Variants in THSD7B observed in about 807,000 individuals in gnomAD.
THSD7B encodes the protein thrombospondin type 1 domain containing 7B, also known as thrombospondin type-1 domain-containing protein 7B.
A neutral mutation model predicts 213.6 loss-of-function variants in THSD7B; 138 were observed. That is an observed-to-expected ratio of 0.65 (90% CI 0.56 to 0.74). THSD7B has a LOEUF of 0.74. THSD7B is among the 30% of genes least tolerant of loss of function. The pLI, the probability that THSD7B is intolerant of heterozygous loss-of-function variation, is 0.00. For missense variants in THSD7B, 1,931 were observed against 1,991.5 expected, an observed-to-expected ratio of 0.97 and a Z score of 0.58; for synonymous variants, 742 against 687.0, an observed-to-expected ratio of 1.08 and a Z score of -1.25.
intron 5 of THSD7B, among the ~76,000 whole-genome samples, chr2:137,117,388 T>C (rs924403543): frequency 7.9e-5 from 12 of 152,192 alleles, no homozygotes; most frequent in African/African-American, 2.9e-4. Context: ...AATATAAATA[T>C]TTTTTATCTG....
At chr2:137,618,532 A>C in intron 19 of THSD7B, 25 bp downstream of exon 19, 1,440 of 1,586,486 alleles carry the variant, frequency 9.1e-4, no homozygotes, top group Non-Finnish European at 1.1e-3. Flanking sequence ...TTCATATCTC[A>C]CATCCAAGGC....
At chr2:136,956,713 TCTGTCCCCCAGG>T in intron 2 of THSD7B, among the ~76,000 whole-genome samples, 1 of 151,222 alleles carries the variant, frequency 6.6e-6, no homozygotes, top group African/African-American at 2.4e-5. Context: ...AGAGTCTTGC[TCTGTCCCCCAGG>T]CTGGAGTGCA....
chr2:137,509,348 C>T (rs1679911606), intron 15 of THSD7B, among the ~76,000 whole-genome samples: 1 of 140,082 alleles, frequency 7.1e-6, no homozygotes, highest in African/African-American at 2.6e-5. Context: ...TTTTCTCTTT[C>T]TTTCTCCTTC....
intron 1 of THSD7B, among the ~76,000 whole-genome samples, chr2:136,876,919 C>A (rs1428809732): frequency 6.6e-6 from 1 of 152,148 alleles, no homozygotes; most frequent in Non-Finnish European, 1.5e-5. Flanking sequence ...GCTCTGGGGT[C>A]TCTGAGGCTC....
rs140142478 is a variant in THSD7B at position 137,243,636 on chromosome 2, C to T, written c.2266+1064C>T. Among the ~76,000 whole-genome samples the T allele has an allele frequency of 4.1e-3, 631 of 152,282 alleles. 4 individuals carry two copies. Among genetic ancestry groups the T allele is most frequent in the African/African-American group, 0.012 (505 of 41,554 alleles). ...AAGATCCTTCAAATGCTCTTTGACTCACATATCTATAGCATCACTTCGTGA... is the reference window on the plus strand; with the variant it reads ...AAGATCCTTCAAATGCTCTTTGACTTACATATCTATAGCATCACTTCGTGA... On this transcript the variant is annotated intron_variant, in intron 10 of 27. Transcript: ENST00000409968.
intron 1 of THSD7B, among the ~76,000 whole-genome samples, chr2:136,806,823 C>T (rs571101537): frequency 1.1e-4 from 17 of 152,340 alleles, no homozygotes; most frequent in East Asian, 1.9e-4. Flanking sequence ...ATTTAGTCTT[C>T]ATGCCTCCTT....
At chr2:137,275,533 G>T (rs1203435071) in intron 11 of THSD7B, among the ~76,000 whole-genome samples, 1 of 149,626 alleles carries the variant, frequency 6.7e-6, no homozygotes. Context: ...TTGTTTTCTT[G>T]TATTGTTTTT....
intron 12 of THSD7B, among the ~76,000 whole-genome samples, chr2:137,303,056 G>A (rs529303802): frequency 2.7e-4 from 41 of 152,266 alleles, no homozygotes; most frequent in African/African-American, 9.1e-4. Context: ...AGGTTGGAGT[G>A]CAATGGCACA....
chr2:137,611,914 A>G (rs1346439053), intron 17 of THSD7B, among the ~76,000 whole-genome samples: 1 of 152,172 alleles, frequency 6.6e-6, no homozygotes, highest in South Asian at 2.1e-4. Context: ...ATTCTTCCTT[A>G]GATGATGTTT....
At chr2:137,420,285 T>G (rs1686896838) in intron 14 of THSD7B, among the ~76,000 whole-genome samples, 2 of 152,190 alleles carry the variant, frequency 1.3e-5, no homozygotes, top group South Asian at 4.1e-4. Flanking sequence ...GGCAGGGGTC[T>G]TTTGCCTTCT....
chr2:137,456,564 C>T (rs1901798), intron 15 of THSD7B, among the ~76,000 whole-genome samples: 57,226 of 152,072 alleles, frequency 0.38, 12,821 homozygotes, highest in East Asian at 0.63. Context: ...TCACTTTGGA[C>T]GTAGAACTTT....
intron 12 of THSD7B, among the ~76,000 whole-genome samples, chr2:137,281,577 C>T (rs1186500367): frequency 4.7e-5 from 7 of 149,996 alleles, no homozygotes; most frequent in African/African-American, 9.8e-5. Flanking sequence ...CAGCAGTCCC[C>T]GGTATGTGAT....
chr2:136,815,605 A>C (rs1034243938), intron 1 of THSD7B, among the ~76,000 whole-genome samples: 2 of 152,364 alleles, frequency 1.3e-5, no homozygotes, highest in African/African-American at 4.8e-5. Flanking sequence ...CCATGGTTTC[A>C]TGAGTGAGAC....
In THSD7B at chr2:136,983,964, T is replaced by G. The variant is rs1450407412; in HGVS notation, c.140-72456T>G. On this transcript the variant is annotated intron_variant, in intron 2 of 27. Transcript: ENST00000409968. ...GATCACTAGTCTATAGACTGAAGTG[T>G]TTTACAAGAAGCAAAGTGTAAGCAT... Among the ~76,000 whole-genome samples, 3 of 152,270 alleles carry G rather than the reference T, an allele frequency of 2.0e-5. No homozygotes were observed. The East Asian group carries it at 5.8e-4, about 29-fold the overall frequency.
chr2:137,042,154 C>T (rs1158225751), intron 2 of THSD7B, among the ~76,000 whole-genome samples: 3 of 151,818 alleles, frequency 2.0e-5, no homozygotes, highest in East Asian at 1.9e-4. Context: ...TGGCAGATCT[C>T]GGACTTTTAC....
chr2:137,554,125 G>T (rs551461880), intron 15 of THSD7B, among the ~76,000 whole-genome samples: 95 of 151,532 alleles, frequency 6.3e-4, no homozygotes, highest in African/African-American at 2.3e-3. Context: ...GGAAAGAAAA[G>T]ATTTTTATTT....
chr2:136,855,591 A>T (rs549879110), intron 1 of THSD7B, among the ~76,000 whole-genome samples: 46 of 130,830 alleles, frequency 3.5e-4, no homozygotes, highest in South Asian at 7.1e-4. Context: ...GCATCCGGCT[A>T]TTATTTATTT....
At chr2:137,270,989 C>A (rs1682719945) in intron 10 of THSD7B, among the ~76,000 whole-genome samples, 1 of 152,026 alleles carries the variant, frequency 6.6e-6, no homozygotes, top group Admixed American at 6.6e-5. Flanking sequence ...AGTAAGGAAG[C>A]TTTCATAGTG....
intron 1 of THSD7B, among the ~76,000 whole-genome samples, chr2:136,777,195 G>T (rs1323991747): frequency 6.6e-6 from 1 of 152,102 alleles, no homozygotes. Flanking sequence ...GACCAAAAAC[G>T]AATGGGAAAG....
Sources: allele counts gnomAD v4.1 joint callset (sites outside exome capture counted in the v4.1 genomes callset), GRCh38; gene constraint gnomAD v4.1.1; transcripts MANE v1.5; gene names NCBI Gene and HGNC (gene_info 2026-07-23, HGNC 2026-07-21).